CDKL5: variants seen among roughly 807,000 people sequenced by gnomAD.
CDKL5 encodes cyclin-dependent kinase-like 5.
In CDKL5, 8 loss-of-function variants were observed where a neutral mutation model predicts 61.7. The observed-to-expected ratio is 0.13, with a 90% CI of 0.08 to 0.23. The LOEUF is 0.23. Ranked by LOEUF, CDKL5 falls within the 10% of genes least tolerant of loss-of-function variation. The pLI, the probability that CDKL5 is intolerant of heterozygous loss-of-function variation, is 1.00. For missense variants in CDKL5, 440 were observed against 734.5 expected (o/e 0.60, Z 4.63); for synonymous variants, 275 against 272.3 (o/e 1.01, Z -0.10).
Position 18,634,032 on chromosome X carries a change from G to A in CDKL5, c.*5275G>A. On this transcript the variant is annotated 3_prime_UTR_variant, in exon 18 of 18. Transcript: ENST00000623535. ...CAGCAAAATTGCGGCAGTGAAACTAGTTTCACTTCTAAAGCCCTTCATTTC... is the reference window on the plus strand; with the variant it reads ...CAGCAAAATTGCGGCAGTGAAACTAATTTCACTTCTAAAGCCCTTCATTTC... 1.3e-6 allele frequency: 1 copy of A among 754,173 alleles called. No homozygotes were observed. Among genetic ancestry groups the A allele is most frequent in the Non-Finnish European group, 1.6e-6 (1 of 639,342 alleles). 62.2% of individuals were successfully genotyped at this position (754,173 alleles called of 1,213,427 possible). A position where few individuals can be genotyped will look rare whatever the true frequency, so the allele number is the denominator to read the frequency against.
At position 18,507,068 on chromosome X, in the gene CDKL5, G is replaced by A. The variant is rs758128193; in HGVS notation, c.-29G>A. 1 of 1,098,750 alleles carries A rather than the reference G, an allele frequency of 9.1e-7. No homozygotes were observed. Among genetic ancestry groups the A allele is most frequent in the Non-Finnish European group, 1.3e-6 (1 of 793,104 alleles). The allele number at this position is 1,098,750 out of a possible 1,213,427, so 90.5% of individuals were successfully genotyped here. ...AAGTTCTTTTGGTGCCATGTTTTGT[G>A]GCTTGCATCAAAAGAGGAGTTTGTC... is the stretch of plus-strand genomic sequence containing the variant. On this transcript the variant is annotated 5_prime_UTR_variant, in exon 2 of 18. Coordinates refer to ENST00000623535, the MANE Select transcript of CDKL5 (RefSeq NM_001323289.2).
At chrX:18,577,483 G>T (rs1418195255) in intron 5 of CDKL5, among the ~76,000 whole-genome samples, 2 of 112,210 alleles carry the variant, frequency 1.8e-5, no homozygotes, top group African/African-American at 6.5e-5. Flanking sequence ...CAGAGACCCA[G>T]GATTGCAGAG....
At chrX:18,508,438 A>G (rs1387789289) in intron 2 of CDKL5, among the ~76,000 whole-genome samples, 1 of 111,959 alleles carries the variant, frequency 8.9e-6, no homozygotes, top group Non-Finnish European at 1.9e-5. Flanking sequence ...TGTTATGTAA[A>G]AATTTCATTT....
chrX:18,608,903 G>A lies in CDKL5; in HGVS notation c.2037G>A (p.Gln679=). 1 of 1,166,266 alleles carries A rather than the reference G, an allele frequency of 8.6e-7. No individual in the cohort carries two copies. Among genetic ancestry groups the A allele is most frequent in the South Asian group, 1.8e-5 (1 of 55,892 alleles). ...GCACCTCTTCCTTCCATACACGCCA[G>A]AAGTCTGAGGTATGTCACAATAAAA... is the stretch of plus-strand genomic sequence containing the variant. ...REGTSSFHTR[Q]KSEGGVYHDP... Residue 679 remains glutamine (Q), a synonymous_variant, in exon 13 of 18, where the codon CAG becomes CAA. Coordinates refer to ENST00000623535, the MANE Select transcript of CDKL5 (RefSeq NM_001323289.2).
chrX:18,450,082 T>A (rs1931976618), intron 1 of CDKL5, among the ~76,000 whole-genome samples: 1 of 112,502 alleles, frequency 8.9e-6, no homozygotes, highest in Non-Finnish European at 1.9e-5. Flanking sequence ...CATGAGCCAC[T>A]GTGCCCGGTC....
Position 18,619,979 on chromosome X carries a change from C to T in CDKL5, c.2376+13C>T. 1 of 994,525 alleles carries T rather than the reference C, an allele frequency of 1.0e-6. No individual in the cohort carries two copies. Among genetic ancestry groups the T allele is most frequent in the Middle Eastern group, 2.7e-4 (1 of 3,726 alleles). 82.0% of individuals were successfully genotyped at this position (994,525 alleles called of 1,213,427 possible). On this transcript the variant is annotated intron_variant, in intron 16 of 17. Transcript: ENST00000623535. Reference sequence around the variant, plus strand: ...GAAATCTCAAACAGTAAGTAGATGACCAGTTTCTATATATAATAACATGTT... The same window carrying T: ...GAAATCTCAAACAGTAAGTAGATGATCAGTTTCTATATATAATAACATGTT...
intron 3 of CDKL5, among the ~76,000 whole-genome samples, chrX:18,523,497 A>T (rs757897771): frequency 1.2e-4 from 14 of 112,240 alleles, no homozygotes; most frequent in Non-Finnish European, 2.1e-4. Flanking sequence ...ACAACATATA[A>T]CAATATTATA....
chrX:18,573,063 G>A (rs1207609474), intron 4 of CDKL5, among the ~76,000 whole-genome samples: 1 of 111,288 alleles, frequency 9.0e-6, no homozygotes, highest in Middle Eastern at 4.6e-3. Context: ...AAGAGCCTAT[G>A]TAGTAGACTG....
At chrX:18,462,756 G>A (rs998682426) in intron 1 of CDKL5, among the ~76,000 whole-genome samples, 1 of 111,824 alleles carries the variant, frequency 8.9e-6, no homozygotes, top group African/African-American at 3.2e-5. Flanking sequence ...GGGCGTGGTG[G>A]CTCACGCCTA....
At position 18,545,851 on chromosome X, in the gene CDKL5, T is replaced by G. The variant is rs191151489; in HGVS notation, c.100-18626T>G. ...AGATTTTTTTTCAAATTCATATTGA[T>G]TTATCTTCCATGCCACTTGAATACA... On this transcript the variant is annotated intron_variant, in intron 3 of 17. Transcript: ENST00000623535. 5.3e-5 allele frequency among the ~76,000 whole-genome samples: 6 copies of G among 112,520 alleles called. No homozygotes were observed. In the East Asian group the frequency reaches 1.7e-3, roughly 31 times the overall value.
intron 12 of CDKL5, among the ~76,000 whole-genome samples, chrX:18,607,927 A>C (rs770822933): frequency 2.3e-4 from 26 of 112,068 alleles, no homozygotes; most frequent in Non-Finnish European, 3.9e-4. Flanking sequence ...AGGGAGAAAA[A>C]TAATCATATT....
At chrX:18,477,783 G>A (rs1290876002) in intron 1 of CDKL5, among the ~76,000 whole-genome samples, 3 of 111,766 alleles carry the variant, frequency 2.7e-5, no homozygotes, top group Non-Finnish European at 5.6e-5. Flanking sequence ...GTTAAAACCT[G>A]AGATATGTTG....
In CDKL5 at chrX:18,638,138, G is replaced by A. The variant is rs1487545866; in HGVS notation, c.*9381G>A. Reference sequence around the variant, plus strand: ...TCACTTTAGGGGTGCAATCTTCTGGGCTCTGAGAATGGATTCACAGCAGCA... The same window carrying A: ...TCACTTTAGGGGTGCAATCTTCTGGACTCTGAGAATGGATTCACAGCAGCA... On this transcript the variant is annotated 3_prime_UTR_variant, in exon 18 of 18. Transcript: ENST00000623535. The A allele has an allele frequency of 9.0e-6, 1 of 111,424 alleles. No homozygotes were observed. The highest frequency in any genetic ancestry group is 1.9e-5 in the Non-Finnish European group (1 of 53,126). 9.2% of individuals were successfully genotyped at this position (111,424 alleles called of 1,213,427 possible).
At chrX:18,562,972 A>C (rs779304270) in intron 3 of CDKL5, among the ~76,000 whole-genome samples, 10 of 112,461 alleles carry the variant, frequency 8.9e-5, no homozygotes. Context: ...ATTTGTAGTC[A>C]TATCAGTGGA....
At position 18,631,962 on chromosome X, in the gene CDKL5, G is replaced by T. The variant is rs968469841; in HGVS notation, c.*3205G>T. The T allele has an allele frequency of 7.9e-6, 5 of 636,596 alleles. No individual in the cohort carries two copies. Among genetic ancestry groups the T allele is most frequent in the Non-Finnish European group, 7.5e-6 (4 of 533,314 alleles). 52.5% of individuals were successfully genotyped at this position (636,596 alleles called of 1,213,427 possible). A position where few individuals can be genotyped will look rare whatever the true frequency, so the allele number is the denominator to read the frequency against. On this transcript the variant is annotated 3_prime_UTR_variant, in exon 18 of 18. Transcript: ENST00000623535. ...GGGGACATTTGGTTGTCATAGCTGGGGGGGAGGTGATGGTATGCTACTGGC... is the reference window on the plus strand; with the variant it reads ...GGGGACATTTGGTTGTCATAGCTGGTGGGGAGGTGATGGTATGCTACTGGC...
At chrX:18,589,211 A>G (rs1377598881) in intron 9 of CDKL5, 4 of 110,277 alleles carry the variant, frequency 3.6e-5, no homozygotes, top group Non-Finnish European at 7.6e-5. Context: ...TTACATATGT[A>G]TACATGTGCC....
Position 18,604,327 on chromosome X carries a change from G to C in CDKL5, c.1403G>C (p.Ser468Thr). The C allele has an allele frequency of 8.3e-7, 1 of 1,210,575 alleles. No individual in the cohort carries two copies. Among genetic ancestry groups the C allele is most frequent in the Non-Finnish European group, 1.1e-6 (1 of 894,716 alleles). Residue 468 changes from serine (S) to threonine (T), a missense_variant, in exon 12 of 18, where the codon AGC (serine) becomes ACC (threonine). Physicochemically the swap from Ser to Thr is moderately conservative, Grantham distance 58 (BLOSUM62 1). Coordinates refer to ENST00000623535, the MANE Select transcript of CDKL5 (RefSeq NM_001323289.2). ...LQPNEKQSRH[S>T]YIDTIPQSSR... Reference sequence around the variant, plus strand: ...CCCAATGAAAAGCAGAGTCGGCATAGCTATATTGACACAATTCCCCAGTCC... The same window carrying C: ...CCCAATGAAAAGCAGAGTCGGCATACCTATATTGACACAATTCCCCAGTCC...
rs1248313586 is a variant in CDKL5, at chrX:18,459,412, A to T, written c.-163+33717A>T. The stretch of plus-strand genomic sequence containing the variant: ...GTCTCTACTAAAAATACAAAAAAAA[A>T]TTAGCCAGGCATGGTAGTGGGCGAC... On this transcript the variant is annotated intron_variant, in intron 1 of 17. Coordinates refer to ENST00000623535, the MANE Select transcript of CDKL5 (RefSeq NM_001323289.2). Among the ~76,000 whole-genome samples the T allele has an allele frequency of 7.3e-5, 8 of 109,544 alleles. No individual in the cohort carries two copies. The South Asian group carries it at 2.4e-3, about 33-fold the overall frequency.
chrX:18,631,743 C>G lies in CDKL5; in HGVS notation c.*2986C>G, dbSNP rs1248169869. On this transcript the variant is annotated 3_prime_UTR_variant, in exon 18 of 18. Transcript: ENST00000623535. ...TTTCTACCTTTATTTCTCTGCCATCCTCGTTTTTCCTCTCTGAAGTTCTAA... is the reference window on the plus strand; with the variant it reads ...TTTCTACCTTTATTTCTCTGCCATCGTCGTTTTTCCTCTCTGAAGTTCTAA... 1.3e-6 allele frequency: 1 copy of G among 752,195 alleles called. No homozygotes were observed. Among genetic ancestry groups the G allele is most frequent in the African/African-American group, 2.3e-5 (1 of 43,209 alleles). The allele number at this position is 752,195 out of a possible 1,213,427, so 62.0% of individuals were successfully genotyped here.
Sources: allele counts gnomAD v4.1 joint callset (sites outside exome capture counted in the v4.1 genomes callset), GRCh38; gene constraint gnomAD v4.1.1; transcripts MANE v1.5; gene names NCBI Gene and HGNC (gene_info 2026-07-23, HGNC 2026-07-21).